RB1CC1: variants seen among roughly 807,000 people sequenced by gnomAD.
RB1CC1 encodes the protein RB1-inducible coiled-coil protein 1.
RB1CC1 carries 46 observed loss-of-function variants against 177.5 expected under a neutral mutation model. The observed-to-expected ratio is 0.26, with a 90% CI of 0.20 to 0.33. The LOEUF (loss-of-function observed/expected upper bound fraction) is 0.33, where lower values mean the gene tolerates loss of function less well. Ranked by LOEUF, RB1CC1 falls within the 10% of genes least tolerant of loss-of-function variation. The pLI is 1.00. For synonymous variants in RB1CC1, 666 were observed against 613.6 expected, an observed-to-expected ratio of 1.09 and a Z score of -1.26; for missense variants, 1,703 against 1,816.3, an observed-to-expected ratio of 0.94 and a Z score of 1.13.
chr8:52,627,884 G>A (rs1848504491), intron 22 of RB1CC1, 148 bp downstream of exon 22: 1 of 631,578 alleles, frequency 1.6e-6, no homozygotes, highest in Admixed American at 3.9e-5. Context: ...AAATAATCTA[G>A]ATAATACAGA....
At chr8:52,687,102 C>G in intron 1 of RB1CC1, 135 bp from the exon 2 acceptor site, 5 of 355,370 alleles carry the variant, frequency 1.4e-5, no homozygotes, top group South Asian at 1.1e-4. Context: ...TGCACATTCA[C>G]TATAATAACA....
chr8:52,675,356 G>A (rs1049981348), intron 6 of RB1CC1, among the ~76,000 whole-genome samples: 8 of 151,576 alleles, frequency 5.3e-5, no homozygotes, highest in Non-Finnish European at 1.0e-4. Context: ...CTAATGCAAG[G>A]TCAAGATAAT....
Position 52,657,115 on chromosome 8 carries a change from A to G in RB1CC1, c.2714T>C (p.Val905Ala). The change falls in exon 15 of 24, where the codon GTT becomes GCT. Residue 905 changes from valine (V) to alanine (A), a missense_variant. Physicochemically the swap from Val to Ala is moderately conservative, Grantham distance 64. Transcript: ENST00000025008. ...AAATTCATTATCTTTATTTTGTAAA[A>G]CCTCCTCAAGGCATACTAACTCTCC... The part of the protein sequence containing the change: ...LKGELVCLEE[V>A]LQNKDNEFAL... 1 of 1,609,974 alleles carries G rather than the reference A, an allele frequency of 6.2e-7. No homozygotes were observed. Among genetic ancestry groups the G allele is most frequent in the Non-Finnish European group, 8.5e-7 (1 of 1,178,666 alleles).
Position 52,679,617 on chromosome 8 carries a change from CAT to C in RB1CC1, c.370-3048_370-3047del, listed in dbSNP as rs1853505859. On this transcript the variant is annotated intron_variant, in intron 5 of 23. Coordinates refer to ENST00000025008, the MANE Select transcript of RB1CC1 (RefSeq NM_014781.5). The stretch of plus-strand genomic sequence containing the variant: ...AACTGTACCCTGACCACCTTGGGCA[CAT>C]GTTACCAGGACCCCCTGAAGCTATG... Among the ~76,000 whole-genome samples the C allele has an allele frequency of 2.0e-5, 3 of 152,190 alleles. No homozygotes were observed. The South Asian group carries it at 6.2e-4, about 32-fold the overall frequency.
intron 1 of RB1CC1, among the ~76,000 whole-genome samples, chr8:52,708,685 GA>G (rs558616776): frequency 3.3e-5 from 5 of 152,174 alleles, no homozygotes; most frequent in South Asian, 2.1e-4. Context: ...TATCTGGGGG[GA>G]AAAACCTATC....
At chr8:52,638,574 T>C (rs1365263254) in intron 18 of RB1CC1, among the ~76,000 whole-genome samples, 1 of 152,138 alleles carries the variant, frequency 6.6e-6, no homozygotes, top group African/African-American at 2.4e-5. Context: ...TTATTAAAAA[T>C]ATTAACCACC....
At chr8:52,685,354 C>T (rs1318127658) in intron 3 of RB1CC1, 45 bp downstream of exon 3, 2 of 1,350,012 alleles carry the variant, frequency 1.5e-6, no homozygotes, top group Non-Finnish European at 2.1e-6. Flanking sequence ...TAACTTTCTG[C>T]ATGCAGACAG....
At chr8:52,665,130 C>T (rs1257615844) in intron 8 of RB1CC1, among the ~76,000 whole-genome samples, 3 of 152,006 alleles carry the variant, frequency 2.0e-5, no homozygotes, top group Admixed American at 6.6e-5. Flanking sequence ...AATAAATATA[C>T]GAATGAATTT....
intron 7 of RB1CC1, among the ~76,000 whole-genome samples, chr8:52,673,556 G>C (rs1272830124): frequency 6.6e-6 from 1 of 152,088 alleles, no homozygotes; most frequent in Non-Finnish European, 1.5e-5. Flanking sequence ...TTGTGTGGTG[G>C]TTATTTCTTG....
chr8:52,629,787 G>C (rs1313247065), intron 21 of RB1CC1, among the ~76,000 whole-genome samples: 1 of 152,132 alleles, frequency 6.6e-6, no homozygotes, highest in Non-Finnish European at 1.5e-5. Flanking sequence ...CTGCCAATCA[G>C]AAAACTTTAA....
intron 1 of RB1CC1, among the ~76,000 whole-genome samples, chr8:52,699,795 T>A (rs1855829904): frequency 1.0e-5 from 1 of 98,138 alleles, no homozygotes; most frequent in Non-Finnish European, 1.8e-5. Flanking sequence ...CTGCAGTGAA[T>A]CTCCGTCTCA....
At chr8:52,694,060 C>G (rs913928510) in intron 1 of RB1CC1, among the ~76,000 whole-genome samples, 1 of 152,152 alleles carries the variant, frequency 6.6e-6, no homozygotes, top group Non-Finnish European at 1.5e-5. Flanking sequence ...GCTAAAGAAA[C>G]ATATAGAGGA....
intron 1 of RB1CC1, among the ~76,000 whole-genome samples, chr8:52,703,010 G>A (rs1856220912): frequency 6.6e-6 from 1 of 151,896 alleles, no homozygotes; most frequent in Admixed American, 6.6e-5. Context: ...CTAAGCAAAT[G>A]ACAAAGCAGA....
Position 52,635,016 on chromosome 8 carries a change from A to G in RB1CC1, c.4393-48T>C, listed in dbSNP as rs370342754. The G allele has an allele frequency of 6.0e-6, 9 of 1,504,674 alleles. No individual in the cohort carries two copies. In the African/African-American group the frequency reaches 1.3e-4, roughly 21 times the overall value. The allele number at this position is 1,504,674 out of a possible 1,614,324, so 93.2% of individuals were successfully genotyped here. On this transcript the variant is annotated intron_variant, in intron 19 of 23. Transcript: ENST00000025008. Reference sequence around the variant, plus strand: ...TGTGGTTTATCCTTGTACCTACTCAAATAAATCTAAACAGTGATTGTCAAA... The same window carrying G: ...TGTGGTTTATCCTTGTACCTACTCAGATAAATCTAAACAGTGATTGTCAAA...
intron 18 of RB1CC1, among the ~76,000 whole-genome samples, chr8:52,637,658 C>CATTTATTTATTTATTT (rs561831982): frequency 0.014 from 2,135 of 151,282 alleles, 56 homozygotes; most frequent in African/African-American, 0.05. Context: ...AATCTAGATG[C>CATTTATTTATTTATTT]ATTTATTTAT....
intron 2 of RB1CC1, 131 bp from the exon 3 acceptor site, chr8:52,685,651 T>G (rs1854208873): frequency 2.4e-6 from 1 of 416,862 alleles, no homozygotes. Context: ...ATGTCTAGGA[T>G]GGCTAACTGG....
At chr8:52,676,091 T>G (rs148410414) in intron 6 of RB1CC1, among the ~76,000 whole-genome samples, 2 of 152,252 alleles carry the variant, frequency 1.3e-5, no homozygotes, top group African/African-American at 4.8e-5. Flanking sequence ...AAGCAAAGAT[T>G]CTTGGTTTTA....
At chr8:52,642,312 G>C (rs749567816) in intron 18 of RB1CC1, 39 bp downstream of exon 18, 11 of 1,581,768 alleles carry the variant, frequency 7.0e-6, no homozygotes, top group Admixed American at 1.8e-5. Flanking sequence ...TCATGGAATT[G>C]CAACAGCCTT....
At chr8:52,629,901 T>C (rs904419951) in intron 21 of RB1CC1, among the ~76,000 whole-genome samples, 2 of 152,172 alleles carry the variant, frequency 1.3e-5, no homozygotes, top group African/African-American at 4.8e-5. Context: ...CCCTAAAATG[T>C]ATGAAACCAA....
Sources: allele counts gnomAD v4.1 joint callset (sites outside exome capture counted in the v4.1 genomes callset), GRCh38; gene constraint gnomAD v4.1.1; transcripts MANE v1.5; gene names NCBI Gene and HGNC (gene_info 2026-07-23, HGNC 2026-07-21).